Variants in GSE1 observed in about 807,000 individuals in gnomAD.
The protein encoded by GSE1 is genetic suppressor element 1.
GSE1 carries 32 observed loss-of-function variants against 112.6 expected under a neutral mutation model. The observed-to-expected ratio is 0.28, with a 90% confidence interval of 0.21 to 0.38. The LOEUF (loss-of-function observed/expected upper bound fraction) is 0.38. Among genes scored for constraint, GSE1 ranks in the 10% least tolerant of loss-of-function variants. GSE1 has a pLI of 1.00. For missense variants in GSE1, 2,348 were observed against 1,699.2 expected, an observed-to-expected ratio of 1.38 and a Z score of -6.71; for synonymous variants, 1,115 against 735.6, an observed-to-expected ratio of 1.52 and a Z score of -8.35.
intron 2 of GSE1, among the ~76,000 whole-genome samples, chr16:85,444,728 T>C (rs1346260389): frequency 6.6e-6 from 1 of 152,080 alleles, no homozygotes; most frequent in Non-Finnish European, 1.5e-5. Context: ...AAAAGCTGCC[T>C]CCTGTGACCC....
Position 85,661,385 on chromosome 16 carries a change from G to A in GSE1, c.1880G>A (p.Arg627Gln), listed in dbSNP as rs777296904. The A allele has an allele frequency of 1.9e-5, 30 of 1,612,176 alleles. No homozygotes were observed. Among genetic ancestry groups the A allele is most frequent in the South Asian group, 3.3e-5 (3 of 91,042 alleles). ...GCCGTGCCGCTGGTGAAGGTGGAGC[G>A]GGTCTTCTGCCCGGAGAAAGCAGAG... ...QAAVPLVKVE[R>Q]VFCPEKAEEG... The change falls in exon 9 of 16, where the codon CGG becomes CAG. Residue 627 changes from arginine (R) to glutamine (Q), a missense_variant. Arg to Gln is a conservative substitution (Grantham distance 43, BLOSUM62 1). Coordinates refer to ENST00000253458, the MANE Select transcript of GSE1 (RefSeq NM_014615.5).
rs751796044 is a variant in GSE1, at chr16:85,397,727, C to T, written c.2464+40084C>T. On this transcript the variant is annotated intron_variant, in intron 2 of 2. Coordinates refer to the GSE1 transcript ENST00000637419. ...CCTCACACCTGCATCGCCTTTGCCCCGCTTCCCTGGGGACTGGTGGCCCTG... is the reference window on the plus strand; with the variant it reads ...CCTCACACCTGCATCGCCTTTGCCCTGCTTCCCTGGGGACTGGTGGCCCTG... Among the ~76,000 whole-genome samples the T allele has an allele frequency of 4.4e-4, 67 of 152,234 alleles. 1 individual carries two copies. Among genetic ancestry groups the T allele is most frequent in the Non-Finnish European group, 1.8e-4 (12 of 68,040 alleles).
At chr16:85,643,697 G>T (rs1326846481) in intron 2 of GSE1, among the ~76,000 whole-genome samples, 1 of 152,192 alleles carries the variant, frequency 6.6e-6, no homozygotes, top group African/African-American at 2.4e-5. Flanking sequence ...CTCCCCATTT[G>T]TAGAGTTGGG....
intron 1 of GSE1, among the ~76,000 whole-genome samples, chr16:85,587,194 A>G (rs1450959400): frequency 2.7e-5 from 4 of 147,266 alleles, no homozygotes; most frequent in African/African-American, 1.0e-4. Flanking sequence ...ACCAGACCCC[A>G]TGGTCTGGAG....
chr16:85,389,534 T>C (rs1396501020), intron 2 of GSE1, among the ~76,000 whole-genome samples: 2 of 151,124 alleles, frequency 1.3e-5, no homozygotes, highest in Non-Finnish European at 2.9e-5. Context: ...ATTATTTTCA[T>C]CTGGTTTGCA....
At chr16:85,550,707 T>C (rs1490647266) in intron 2 of GSE1, among the ~76,000 whole-genome samples, 1 of 152,188 alleles carries the variant, frequency 6.6e-6, no homozygotes, top group African/African-American at 2.4e-5. Flanking sequence ...GCTGGGAGGC[T>C]ATTTTTATTG....
At chr16:85,240,717 C>G (rs1567632116) in intron 1 of GSE1, among the ~76,000 whole-genome samples, 1 of 152,224 alleles carries the variant, frequency 6.6e-6, no homozygotes, top group Non-Finnish European at 1.5e-5. Context: ...CCCATAAGGA[C>G]TGCCATTGTC....
chr16:85,654,368 C>G lies in GSE1; in HGVS notation c.517C>G (p.Pro173Ala), dbSNP rs373938537. 27 of 1,611,840 alleles carry G rather than the reference C, an allele frequency of 1.7e-5. No homozygotes were observed. The highest frequency in any genetic ancestry group is 2.2e-5 in the Non-Finnish European group (26 of 1,179,378). ...GGAGAAGGCAGGGGGACCAGCCATC[C>G]CCTCGCACCTGCTCAGCACCCCCTA... ...PQEKAGGPAI[P>A]SHLLSTPYPF... Residue 173 changes from proline (P) to alanine (A), a missense_variant, in exon 4 of 16, where the codon CCC (proline) becomes GCC (alanine). Pro to Ala is a conservative substitution (Grantham distance 27, BLOSUM62 -1). Transcript: ENST00000253458.
At chr16:85,192,169 G>A (rs899857772) in intron 1 of GSE1, among the ~76,000 whole-genome samples, 1 of 152,240 alleles carries the variant, frequency 6.6e-6, no homozygotes. Context: ...GGACCATGCT[G>A]TACATTGTAT....
At chr16:85,293,415 G>A (rs1382146889) in intron 1 of GSE1, among the ~76,000 whole-genome samples, 2 of 152,108 alleles carry the variant, frequency 1.3e-5, no homozygotes, top group Admixed American at 6.6e-5. Flanking sequence ...GCGTGGTGGT[G>A]TGTGCCCGTA....
At chr16:85,220,049 G>A (rs2075365447) in intron 1 of GSE1, among the ~76,000 whole-genome samples, 1 of 152,208 alleles carries the variant, frequency 6.6e-6, no homozygotes. Flanking sequence ...AGACTTGGTG[G>A]CCTGTGTGTT....
intron 1 of GSE1, among the ~76,000 whole-genome samples, chr16:85,268,033 C>T (rs1436395689): frequency 6.6e-6 from 1 of 152,196 alleles, no homozygotes; most frequent in Non-Finnish European, 1.5e-5. Context: ...CTGCCTGGCA[C>T]TGCCCAGAGG....
chr16:85,195,415 G>A (rs4783147), intron 1 of GSE1, among the ~76,000 whole-genome samples: 8,176 of 152,256 alleles, frequency 0.054, 306 homozygotes, highest in East Asian at 0.14. Context: ...AGCTGTCAAA[G>A]GAGAGTTGGA....
At chr16:85,262,114 G>T (rs899333118) in intron 1 of GSE1, among the ~76,000 whole-genome samples, 1 of 152,262 alleles carries the variant, frequency 6.6e-6, no homozygotes, top group Non-Finnish European at 1.5e-5. Context: ...TCTCCCCGGC[G>T]GGTGCTTGGA....
At position 85,266,369 on chromosome 16, in the gene GSE1, G is replaced by T. The variant is rs1323231568; in HGVS notation, c.2284-91094G>T. Among the ~76,000 whole-genome samples, 6 of 152,346 alleles carry T rather than the reference G, an allele frequency of 3.9e-5. No homozygotes were observed. In the East Asian group the frequency reaches 5.8e-4, roughly 15 times the overall value. Reference sequence around the variant, plus strand: ...CTTCTGTTGAGCCAAATTGGAGATTGCCAATGGCAAGCATTCCAGAAGCAT... The same window carrying T: ...CTTCTGTTGAGCCAAATTGGAGATTTCCAATGGCAAGCATTCCAGAAGCAT... On this transcript the variant is annotated intron_variant, in intron 1 of 2. Transcript: ENST00000637419.
chr16:85,307,149 G>A (rs1440274091), intron 1 of GSE1, among the ~76,000 whole-genome samples: 1 of 151,990 alleles, frequency 6.6e-6, no homozygotes, highest in Non-Finnish European at 1.5e-5. Context: ...TGGGGGTGGG[G>A]TGGGGTGGGG....
chr16:85,308,833 C>T (rs1348835725), intron 1 of GSE1, among the ~76,000 whole-genome samples: 1 of 149,314 alleles, frequency 6.7e-6, no homozygotes, highest in Non-Finnish European at 1.5e-5. Context: ...CCAATTTTGC[C>T]ACTACCATGA....
Position 85,654,411 on chromosome 16 carries a change from C to G in GSE1, c.560C>G (p.Pro187Arg). Reference sequence around the variant, plus strand: ...ACCCCCTACCCCTTCGGCCTCTCCCCCAGCTCAGTTGTGCAGGATTCCCGC... The same window carrying G: ...ACCCCCTACCCCTTCGGCCTCTCCCGCAGCTCAGTTGTGCAGGATTCCCGC... ...LSTPYPFGLS[P>R]SSVVQDSRFP... Residue 187 changes from proline (P) to arginine (R), a missense_variant, in exon 4 of 16, where the codon CCC (proline) becomes CGC (arginine). Pro to Arg is a moderately radical substitution (Grantham distance 103, BLOSUM62 -2). Coordinates refer to ENST00000253458, the MANE Select transcript of GSE1 (RefSeq NM_014615.5). The G allele has an allele frequency of 1.3e-6, 2 of 1,592,834 alleles. No individual in the cohort carries two copies. Among genetic ancestry groups the G allele is most frequent in the Non-Finnish European group, 1.7e-6 (2 of 1,169,418 alleles).
At chr16:85,508,178 C>A (rs931678481) in intron 2 of GSE1, among the ~76,000 whole-genome samples, 1 of 152,282 alleles carries the variant, frequency 6.6e-6, no homozygotes, top group Non-Finnish European at 1.5e-5. Context: ...GGATTACAGG[C>A]ATGCGTCACC....
Sources: allele counts gnomAD v4.1 joint callset (sites outside exome capture counted in the v4.1 genomes callset), GRCh38; gene constraint gnomAD v4.1.1; transcripts MANE v1.5; gene names NCBI Gene and HGNC (gene_info 2026-07-23, HGNC 2026-07-21).